The following PACRGL variants were observed in gnomAD, a reference collection of about 807,000 sequenced individuals.
The protein encoded by PACRGL is parkin coregulated like.
Under a neutral mutation model 34.5 loss-of-function variants are expected in PACRGL, and 38 were observed. The ratio of observed to expected loss-of-function variants is 1.10; its 90% CI spans 0.85 to 1.44. The LOEUF (loss-of-function observed/expected upper bound fraction) is 1.44, where lower values mean the gene tolerates loss of function less well. Among genes scored for constraint, PACRGL ranks in the 40% most tolerant of loss-of-function variants. The pLI, the probability that PACRGL is intolerant of heterozygous loss-of-function variation, is 0.00. For missense variants in PACRGL, 305 were observed against 281.4 expected (o/e 1.08, Z -0.60); for synonymous variants, 128 against 100.1 (o/e 1.28, Z -1.66).
chr4:20,707,750 G>T, intron 3 of PACRGL, 53 bp from the exon 4 acceptor site: 1 of 1,466,740 alleles, frequency 6.8e-7, no homozygotes, highest in Non-Finnish European at 9.6e-7. Flanking sequence ...ATGGCTGTGT[G>T]CTTCTGACCT....
upstream of PACRGL, chr4:20,700,315 CT>C (rs1560274477): frequency 6.6e-6 from 1 of 152,292 alleles, no homozygotes; most frequent in African/African-American, 2.4e-5. Flanking sequence ...GAGCTGCCCC[CT>C]GAACTCCTGG....
chr4:20,755,238 G>A (rs1754291144), downstream of PACRGL, among the ~76,000 whole-genome samples: 1 of 152,048 alleles, frequency 6.6e-6, no homozygotes, highest in Non-Finnish European at 1.5e-5. Flanking sequence ...TCTTTTAAAA[G>A]TCCACCGAAA....
intron 7 of PACRGL, among the ~76,000 whole-genome samples, chr4:20,715,194 G>A (rs934669015): frequency 6.6e-6 from 1 of 152,068 alleles, no homozygotes; most frequent in South Asian, 2.1e-4. Context: ...AACACCGCAT[G>A]TTCTCACTCA....
chr4:20,716,922 AT>A (rs1441558941), intron 7 of PACRGL, among the ~76,000 whole-genome samples: 1 of 152,232 alleles, frequency 6.6e-6, no homozygotes, highest in Non-Finnish European at 1.5e-5. Flanking sequence ...GTCTTACACA[AT>A]GGTTGAACTG....
chr4:20,704,098 C>T (rs546590775), intron 1 of PACRGL, among the ~76,000 whole-genome samples: 1 of 152,112 alleles, frequency 6.6e-6, no homozygotes, highest in Non-Finnish European at 1.5e-5. Context: ...AATACAGAGG[C>T]CAGAGAAGAT....
At chr4:20,762,204 A>C in the PACRGL span, among the ~76,000 whole-genome samples, 44 of 152,166 alleles carry the variant, frequency 2.9e-4, no homozygotes, top group Non-Finnish European at 4.4e-4. Context: ...GTGTTCCCAC[A>C]TAGTGGAAGG....
downstream of PACRGL, among the ~76,000 whole-genome samples, chr4:20,755,052 G>A (rs1014790640): frequency 6.6e-6 from 1 of 152,060 alleles, no homozygotes; most frequent in Non-Finnish European, 1.5e-5. Flanking sequence ...TGCAGACAGT[G>A]AACTCATTAT....
At chr4:20,761,851 T>C in the PACRGL span, among the ~76,000 whole-genome samples, 2 of 152,202 alleles carry the variant, frequency 1.3e-5, no homozygotes, top group African/African-American at 4.8e-5. Flanking sequence ...GTGGAAAGTC[T>C]CACCAGATAA....
upstream of PACRGL, among the ~76,000 whole-genome samples, chr4:20,699,106 G>C (rs900742688): frequency 2.0e-5 from 3 of 152,152 alleles, no homozygotes; most frequent in Non-Finnish European, 4.4e-5. Flanking sequence ...TCACGAACTA[G>C]GAGCTCTACT....
chr4:20,750,201 T>C (rs1182408915), intron 8 of PACRGL, among the ~76,000 whole-genome samples: 1 of 152,138 alleles, frequency 6.6e-6, no homozygotes, highest in African/African-American at 2.4e-5. Context: ...TATTGGGAAT[T>C]AGAGAAGGTG....
In PACRGL at chr4:20,727,409, T is replaced by C. The variant is rs1041187034; in HGVS notation, c.*68T>C. 3.1e-6 allele frequency: 4 copies of C among 1,291,768 alleles called. No homozygotes were observed. In the African/African-American group the frequency reaches 5.9e-5, roughly 19 times the overall value. The allele number at this position is 1,291,768 out of a possible 1,614,324, so 80.0% of individuals were successfully genotyped here. A position where few individuals can be genotyped will look rare whatever the true frequency, so the allele number is the denominator to read the frequency against. ...GTCAAGCACTAACTGTGGGTACTCATTTATTTTATTCTTTTGTAAATCACA... is the reference window on the plus strand; with the variant it reads ...GTCAAGCACTAACTGTGGGTACTCACTTATTTTATTCTTTTGTAAATCACA... On this transcript the variant is annotated 3_prime_UTR_variant, in exon 9 of 9. Transcript: ENST00000503585.
At chr4:20,709,454 A>C (rs955417287) in intron 4 of PACRGL, among the ~76,000 whole-genome samples, 1 of 152,244 alleles carries the variant, frequency 6.6e-6, no homozygotes, top group African/African-American at 2.4e-5. Context: ...AACATGCTTA[A>C]GCACCAAAAC....
chr4:20,731,449 A>G lies in PACRGL; in HGVS notation c.*4108A>G, dbSNP rs968303901. On this transcript the variant is annotated 3_prime_UTR_variant, in exon 9 of 9. Coordinates refer to ENST00000503585, the MANE Select transcript of PACRGL (RefSeq NM_001258345.3). ...AAGTAAGCTAACACTGGTTTCTTTG[A>G]TAACAGGCTACTACCTGGAGTTCTC... The G allele has an allele frequency of 2.0e-6, 2 of 985,388 alleles. No individual in the cohort carries two copies. The highest frequency in any genetic ancestry group is 1.7e-5 in the African/African-American group (1 of 57,354). 61.0% of individuals were successfully genotyped at this position (985,388 alleles called of 1,614,324 possible). A position where few individuals can be genotyped will look rare whatever the true frequency, so the allele number is the denominator to read the frequency against.
At chr4:20,718,115 C>G (rs1016364020) in intron 7 of PACRGL, among the ~76,000 whole-genome samples, 3 of 152,114 alleles carry the variant, frequency 2.0e-5, no homozygotes, top group Admixed American at 6.6e-5. Flanking sequence ...TGGGAGTTCA[C>G]TCATGATTTG....
intron 8 of PACRGL, chr4:20,749,648 A>G: frequency 6.4e-7 from 1 of 1,561,532 alleles, no homozygotes; most frequent in Non-Finnish European, 8.8e-7. Context: ...ATATGAAAAT[A>G]ATCCAGAGCT....
At chr4:20,734,154 A>T (rs1281643995), downstream of PACRGL, among the ~76,000 whole-genome samples, 1 of 152,118 alleles carries the variant, frequency 6.6e-6, no homozygotes, top group Non-Finnish European at 1.5e-5. Flanking sequence ...GTGTAATACG[A>T]GTATCTTAAT....
intron 4 of PACRGL, 54 bp downstream of exon 4, chr4:20,707,924 A>G (rs1735301173): frequency 4.8e-6 from 6 of 1,262,546 alleles, no homozygotes; most frequent in Admixed American, 1.8e-5. Flanking sequence ...ATTGAGTAAA[A>G]TGAATACAAT....
chr4:20,723,392 T>C (rs1263704071), intron 7 of PACRGL, among the ~76,000 whole-genome samples: 1 of 152,148 alleles, frequency 6.6e-6, no homozygotes, highest in Non-Finnish European at 1.5e-5. Flanking sequence ...CTCTCAGTCC[T>C]TGTGGAGATT....
intron 8 of PACRGL, among the ~76,000 whole-genome samples, chr4:20,752,146 C>T (rs1753770108): frequency 6.6e-6 from 1 of 151,174 alleles, no homozygotes; most frequent in Non-Finnish European, 1.5e-5. Flanking sequence ...GCAGCCTCCA[C>T]CTCCTGGGTT....
Sources: allele counts gnomAD v4.1 joint callset (sites outside exome capture counted in the v4.1 genomes callset), GRCh38; gene constraint gnomAD v4.1.1; transcripts MANE v1.5; gene names NCBI Gene and HGNC (gene_info 2026-07-23, HGNC 2026-07-21).